Variants in PCDHA6 observed in about 807,000 individuals in gnomAD.
The protein encoded by PCDHA6 is protocadherin alpha 6.
In PCDHA6, 55 loss-of-function variants were observed where a neutral mutation model predicts 60.3. The ratio of observed to expected loss-of-function variants is 0.91; its 90% CI spans 0.73 to 1.14. The LOEUF (loss-of-function observed/expected upper bound fraction) is 1.14, where lower values mean the gene tolerates loss of function less well. Among genes scored for constraint, PCDHA6 ranks in the 50% most tolerant of loss-of-function variants. PCDHA6 has a pLI of 0.00. For missense variants in PCDHA6, 1,327 were observed against 1,256.5 expected, an observed-to-expected ratio of 1.06 and a Z score of -0.85; for synonymous variants, 652 against 557.9, an observed-to-expected ratio of 1.17 and a Z score of -2.38.
intron 1 of PCDHA6, chr5:140,863,734 C>A: frequency 3.9e-6 from 1 of 256,490 alleles, no homozygotes; most frequent in Non-Finnish European, 7.7e-6. Flanking sequence ...GTAGCTCATG[C>A]CTATTTGTAA....
intron 1 of PCDHA6, among the ~76,000 whole-genome samples, chr5:140,913,742 T>C (rs2153527691): frequency 6.6e-6 from 1 of 152,276 alleles, no homozygotes; most frequent in Non-Finnish European, 1.5e-5. Flanking sequence ...ATAGTACTCC[T>C]TTTGTTGTAT....
chr5:140,875,015 G>T (rs1479954206), intron 1 of PCDHA6, among the ~76,000 whole-genome samples: 3 of 152,170 alleles, frequency 2.0e-5, no homozygotes, highest in African/African-American at 7.2e-5. Flanking sequence ...TAAAGTGTAG[G>T]TTCTGGCCTA....
intron 1 of PCDHA6, chr5:140,875,896 G>C (rs1183868015): frequency 6.2e-7 from 1 of 1,614,078 alleles, no homozygotes; most frequent in African/African-American, 1.3e-5. Context: ...AAAGGTACCT[G>C]TTTCTGAATC....
At chr5:140,846,481 T>A (rs1181531139) in intron 1 of PCDHA6, among the ~76,000 whole-genome samples, 1 of 146,696 alleles carries the variant, frequency 6.8e-6, no homozygotes, top group Non-Finnish European at 1.5e-5. Context: ...TTCAAATGAT[T>A]CTCCTTCCTC....
chr5:140,985,268 A>G (rs1399255449), intron 3 of PCDHA6, among the ~76,000 whole-genome samples: 6 of 152,098 alleles, frequency 3.9e-5, no homozygotes, highest in African/African-American at 1.2e-4. Context: ...TTTCTGGACT[A>G]CTTTTCTGCA....
intron 1 of PCDHA6, among the ~76,000 whole-genome samples, chr5:140,881,865 T>C (rs1380240082): frequency 6.6e-6 from 1 of 152,222 alleles, no homozygotes; most frequent in Non-Finnish European, 1.5e-5. Flanking sequence ...AATAAATTTG[T>C]GGCAAAATGA....
intron 1 of PCDHA6, chr5:140,876,935 C>T (rs1554169119): frequency 6.2e-7 from 1 of 1,613,746 alleles, no homozygotes; most frequent in Non-Finnish European, 8.5e-7. Context: ...CAGAAGAACG[C>T]GCTGGTGTCC....
intron 1 of PCDHA6, chr5:140,841,123 T>C: frequency 1.6e-6 from 1 of 643,846 alleles, no homozygotes; most frequent in Non-Finnish European, 2.6e-6. Context: ...ATGTAATCAT[T>C]ACCTTTTGAA....
chr5:140,892,509 A>G (rs2063553980), intron 1 of PCDHA6, among the ~76,000 whole-genome samples: 1 of 152,220 alleles, frequency 6.6e-6, no homozygotes, highest in Admixed American at 6.5e-5. Context: ...AAGAAGTTCC[A>G]CCATGACTGG....
intron 3 of PCDHA6, among the ~76,000 whole-genome samples, chr5:140,985,728 C>G (rs2097165709): frequency 6.7e-6 from 1 of 148,846 alleles, no homozygotes; most frequent in Admixed American, 6.8e-5. Flanking sequence ...TTTTCCTTCA[C>G]TGATGAATTC....
rs2150156058 is a variant in PCDHA6 at position 140,828,495 on chromosome 5, T to A, written c.404T>A (p.Val135Glu). The A allele has an allele frequency of 6.2e-7, 1 of 1,614,162 alleles. No homozygotes were observed. Among genetic ancestry groups the A allele is most frequent in the Admixed American group, 1.7e-5 (1 of 60,022 alleles). The change falls in exon 1 of 4, where the codon GTA becomes GAA. Residue 135 changes from valine to glutamate, a missense_variant. Physicochemically the swap from Val to Glu is moderately radical, Grantham distance 121. Transcript: ENST00000529310. Reference protein sequence around the residue: ...DINDNPPLFPVEEQRVLIYES... With the variant: ...DINDNPPLFPEEEQRVLIYES... ...AACGACAACCCGCCCTTGTTCCCGG[T>A]AGAGGAACAAAGAGTGCTGATTTAC...
At chr5:140,979,168 G>T in intron 2 of PCDHA6, 161 bp downstream of exon 2, 6 of 966,502 alleles carry the variant, frequency 6.2e-6, no homozygotes, top group Non-Finnish European at 7.4e-6. Context: ...TTCCTTGAAA[G>T]ATCGCAAATG....
chr5:140,938,765 AC>A (rs1309568560), intron 1 of PCDHA6, among the ~76,000 whole-genome samples: 1 of 152,182 alleles, frequency 6.6e-6, no homozygotes, highest in Non-Finnish European at 1.5e-5. Context: ...GTTATTGGGT[AC>A]TAGACTTAGT....
chr5:140,979,074 C>T, intron 2 of PCDHA6, 67 bp downstream of exon 2: 4 of 1,583,968 alleles, frequency 2.5e-6, no homozygotes, highest in Non-Finnish European at 2.6e-6. Context: ...TAAACTGCAT[C>T]TCCATAGGCC....
chr5:140,951,318 G>C (rs2094570791), intron 1 of PCDHA6, among the ~76,000 whole-genome samples: 1 of 152,038 alleles, frequency 6.6e-6, no homozygotes, highest in Non-Finnish European at 1.5e-5. Context: ...TGTTATTCTT[G>C]AGATTCATCA....
chr5:140,871,649 G>A (rs781859029), intron 1 of PCDHA6: 23 of 1,265,706 alleles, frequency 1.8e-5, no homozygotes, highest in Admixed American at 8.7e-5. Flanking sequence ...AATACCAAAT[G>A]ATACACATCT....
intron 1 of PCDHA6, chr5:140,836,749 A>G (rs2150269159): frequency 6.3e-7 from 1 of 1,585,374 alleles, no homozygotes; most frequent in Middle Eastern, 1.7e-4. Context: ...GTGAGTCATA[A>G]ATAATCTTGT....
chr5:140,843,227 G>A, intron 1 of PCDHA6: 1 of 1,596,116 alleles, frequency 6.3e-7, no homozygotes, highest in Non-Finnish European at 8.6e-7. Flanking sequence ...CACCACTCGT[G>A]TCCTGGACGA....
chr5:140,886,884 A>C (rs903199967), intron 1 of PCDHA6, among the ~76,000 whole-genome samples: 9 of 151,846 alleles, frequency 5.9e-5, no homozygotes, highest in African/African-American at 1.9e-4. Flanking sequence ...AACATTCATT[A>C]ATTAAATGCA....
Sources: gnomAD v4.1 joint callset for allele counts (sites outside exome capture counted in the v4.1 genomes callset) on GRCh38, gnomAD v4.1.1 for gene constraint, MANE v1.5 for transcripts, NCBI Gene and HGNC (gene_info 2026-07-23, HGNC 2026-07-21) for gene names.